The following FMN2 variants were observed in gnomAD, a reference collection of about 807,000 sequenced individuals.
FMN2 encodes formin-2.
Under a neutral mutation model 142.3 loss-of-function variants are expected in FMN2, and 51 were observed. That is an observed-to-expected ratio of 0.36 (90% CI 0.29 to 0.45). The LOEUF (loss-of-function observed/expected upper bound fraction) is 0.45. Among genes scored for constraint, FMN2 ranks in the 20% least tolerant of loss-of-function variants. FMN2 has a pLI of 1.00. For synonymous variants in FMN2, 882 were observed against 869.8 expected (o/e 1.01, Z -0.25); for missense variants, 1,936 against 2,122.8 (o/e 0.91, Z 1.73).
intron 6 of FMN2, among the ~76,000 whole-genome samples, chr1:240,253,737 A>G (rs1466593994): frequency 1.3e-5 from 2 of 151,958 alleles, no homozygotes; most frequent in Admixed American, 6.6e-5. Flanking sequence ...ACTTTTTTGA[A>G]TTTGCTTTTA....
intron 6 of FMN2, among the ~76,000 whole-genome samples, chr1:240,238,130 C>T (rs528708413): frequency 7.9e-5 from 12 of 152,228 alleles, no homozygotes; most frequent in Admixed American, 5.9e-4. Flanking sequence ...GTATACTTAT[C>T]GAAAATTCAA....
intron 2 of FMN2, chr1:240,170,734 G>T: frequency 1.3e-6 from 2 of 1,502,420 alleles, no homozygotes; most frequent in East Asian, 2.3e-5. Context: ...CACTGTCAAG[G>T]TGGGGCCTGG....
At chr1:240,465,840 A>G (rs902834361) in intron 16 of FMN2, among the ~76,000 whole-genome samples, 1 of 152,200 alleles carries the variant, frequency 6.6e-6, no homozygotes, top group African/African-American at 2.4e-5. Flanking sequence ...CTGTCTGCAG[A>G]GCGGGCTGCA....
chr1:240,226,289 T>C (rs900446610), intron 6 of FMN2, among the ~76,000 whole-genome samples: 5 of 152,154 alleles, frequency 3.3e-5, no homozygotes, highest in African/African-American at 1.2e-4. Context: ...ATGAATGCAG[T>C]GAAAGAAAAA....
intron 2 of FMN2, among the ~76,000 whole-genome samples, chr1:240,127,044 G>A (rs1229160077): frequency 1.3e-5 from 2 of 152,080 alleles, no homozygotes; most frequent in Non-Finnish European, 2.9e-5. Flanking sequence ...GAGGAAGCTG[G>A]GGCTTCAGGA....
intron 14 of FMN2, among the ~76,000 whole-genome samples, chr1:240,379,580 T>A (rs574625294): frequency 1.3e-5 from 2 of 152,194 alleles, no homozygotes; most frequent in Non-Finnish European, 2.9e-5. Context: ...TCTATGATTT[T>A]AAAATTGCTT....
At chr1:240,427,542 A>C (rs2103155221) in intron 15 of FMN2, among the ~76,000 whole-genome samples, 1 of 152,324 alleles carries the variant, frequency 6.6e-6, no homozygotes, top group South Asian at 2.1e-4. Flanking sequence ...TGTTTTGAGC[A>C]GGATATAGAG....
At chr1:240,215,452 C>T (rs1666859757) in intron 6 of FMN2, among the ~76,000 whole-genome samples, 4 of 152,184 alleles carry the variant, frequency 2.6e-5, no homozygotes, top group Non-Finnish European at 2.9e-5. Context: ...CGGGTTCAGA[C>T]TCCAGCCTTC....
At chr1:240,393,434 A>G (rs1027506031) in intron 15 of FMN2, among the ~76,000 whole-genome samples, 1 of 152,136 alleles carries the variant, frequency 6.6e-6, no homozygotes, top group Non-Finnish European at 1.5e-5. Context: ...AAAATATTGT[A>G]TGTTCTAACT....
At chr1:240,353,715 TCA>T in intron 13 of FMN2, among the ~76,000 whole-genome samples, 1 of 152,222 alleles carries the variant, frequency 6.6e-6, no homozygotes, top group Non-Finnish European at 1.5e-5. Flanking sequence ...ATCATCTACT[TCA>T]AAGGGTTTTA....
At chr1:240,418,246 C>G (rs1674648767) in intron 15 of FMN2, among the ~76,000 whole-genome samples, 1 of 148,928 alleles carries the variant, frequency 6.7e-6, no homozygotes, top group African/African-American at 2.5e-5. Flanking sequence ...GTCGCCCAGG[C>G]TGGAATGCAG....
Position 240,319,336 on chromosome 1 carries a change from C to T in FMN2, c.4216-9740C>T, listed in dbSNP as rs74151617. On this transcript the variant is annotated intron_variant, in intron 8 of 17. Coordinates refer to ENST00000319653, the MANE Select transcript of FMN2 (RefSeq NM_020066.5). ...TGGAGAGAAAATGAATAAAGGAACTCGTAGAAGTTTGGCCAGCCCAATATT... is the reference window on the plus strand; with the variant it reads ...TGGAGAGAAAATGAATAAAGGAACTTGTAGAAGTTTGGCCAGCCCAATATT... 9.9e-3 allele frequency among the ~76,000 whole-genome samples: 1,501 copies of T among 152,232 alleles called. 22 individuals carry two copies. The highest frequency in any genetic ancestry group is 0.034 in the African/African-American group (1,420 of 41,528).
At chr1:240,110,522 T>C (rs973792504) in intron 1 of FMN2, among the ~76,000 whole-genome samples, 2 of 152,232 alleles carry the variant, frequency 1.3e-5, no homozygotes, top group Admixed American at 1.3e-4. Context: ...TTTGTTCTGA[T>C]GGTGAATAAA....
intron 15 of FMN2, among the ~76,000 whole-genome samples, chr1:240,422,773 C>T (rs1217504514): frequency 1.4e-4 from 21 of 152,036 alleles, no homozygotes; most frequent in African/African-American, 2.7e-4. Flanking sequence ...GACAAATATA[C>T]GCTGACTATA....
chr1:240,159,931 A>T (rs200724016), intron 2 of FMN2, among the ~76,000 whole-genome samples: 1 of 126,428 alleles, frequency 7.9e-6, no homozygotes, highest in Non-Finnish European at 1.7e-5. Flanking sequence ...ATATATATAT[A>T]TTTGTGTATA....
intron 8 of FMN2, among the ~76,000 whole-genome samples, chr1:240,308,417 T>A (rs1283072437): frequency 5.3e-5 from 8 of 152,328 alleles, no homozygotes; most frequent in Middle Eastern, 3.4e-3. Flanking sequence ...CTTGTCCAAC[T>A]CGCTTTATTT....
chr1:240,352,156 G>A (rs1057444558), intron 13 of FMN2, among the ~76,000 whole-genome samples: 1 of 152,102 alleles, frequency 6.6e-6, no homozygotes, highest in Non-Finnish European at 1.5e-5. Flanking sequence ...GGATTGAAAA[G>A]TCACTACTTG....
At chr1:240,138,064 CAAAAA>C (rs369637580) in intron 2 of FMN2, among the ~76,000 whole-genome samples, 4 of 95,598 alleles carry the variant, frequency 4.2e-5, no homozygotes, top group South Asian at 3.2e-4. Flanking sequence ...GACTCCATCT[CAAAAA>C]AAAAAAAAAA....
At chr1:240,447,044 C>G (rs1242202567) in intron 16 of FMN2, among the ~76,000 whole-genome samples, 2 of 152,176 alleles carry the variant, frequency 1.3e-5, no homozygotes, top group Non-Finnish European at 2.9e-5. Context: ...AAGAGATTGC[C>G]TCCACCTAGA....
Sources: allele counts gnomAD v4.1 joint callset (sites outside exome capture counted in the v4.1 genomes callset), GRCh38; gene constraint gnomAD v4.1.1; transcripts MANE v1.5; gene names NCBI Gene and HGNC (gene_info 2026-07-23, HGNC 2026-07-21).